PDE4D: variants seen among roughly 807,000 people sequenced by gnomAD.
PDE4D encodes the protein phosphodiesterase 4D, also known as 3',5'-cyclic-AMP phosphodiesterase 4D.
Under a neutral mutation model 87.4 loss-of-function variants are expected in PDE4D, and 24 were observed. That is an observed-to-expected ratio of 0.27 (90% CI 0.20 to 0.39). PDE4D has a LOEUF of 0.39. PDE4D is among the 10% of genes least tolerant of loss of function. The pLI is 1.00. For synonymous variants in PDE4D, 384 were observed against 383.2 expected (o/e 1.00, Z -0.02); for missense variants, 714 against 1,041.0 (o/e 0.69, Z 4.32).
At chr5:60,360,897 A>G (rs534768320) in intron 1 of PDE4D, among the ~76,000 whole-genome samples, 9 of 152,366 alleles carry the variant, frequency 5.9e-5, no homozygotes, top group African/African-American at 2.2e-4. Flanking sequence ...TCAAGTGAGC[A>G]GTGTTTACTT....
At chr5:59,696,800 T>A (rs1751847523) in intron 1 of PDE4D, among the ~76,000 whole-genome samples, 1 of 152,192 alleles carries the variant, frequency 6.6e-6, no homozygotes, top group African/African-American at 2.4e-5. Flanking sequence ...CCGGAATAAC[T>A]GTGCTTCACA....
At chr5:60,068,635 T>C (rs1276987901) in intron 2 of PDE4D, among the ~76,000 whole-genome samples, 1 of 151,966 alleles carries the variant, frequency 6.6e-6, no homozygotes, top group Non-Finnish European at 1.5e-5. Flanking sequence ...GATCTGTCAC[T>C]CAGGCTGGAG....
intron 1 of PDE4D, among the ~76,000 whole-genome samples, chr5:59,517,400 A>T (rs1373492039): frequency 6.6e-6 from 1 of 152,220 alleles, no homozygotes; most frequent in Non-Finnish European, 1.5e-5. Flanking sequence ...CCTGGTTTTT[A>T]AAGATCAAAT....
At chr5:59,701,789 A>G (rs1752609557) in intron 1 of PDE4D, among the ~76,000 whole-genome samples, 1 of 152,232 alleles carries the variant, frequency 6.6e-6, no homozygotes, top group Non-Finnish European at 1.5e-5. Context: ...GCTTTAGTAC[A>G]GTTCACACAT....
chr5:59,599,697 T>C (rs1275376958), intron 1 of PDE4D, among the ~76,000 whole-genome samples: 1 of 152,110 alleles, frequency 6.6e-6, no homozygotes, highest in Non-Finnish European at 1.5e-5. Flanking sequence ...TGATTGAACT[T>C]ACATTTTCTC....
intron 1 of PDE4D, among the ~76,000 whole-genome samples, chr5:59,722,491 G>GT (rs949322439): frequency 1.3e-5 from 2 of 152,076 alleles, no homozygotes; most frequent in Non-Finnish European, 2.9e-5. Flanking sequence ...TCCTCCAGTA[G>GT]TTTTTTTCCC....
rs191511897 is a variant in PDE4D, at chr5:60,300,455, T to C, written c.-89-114768A>G. Among the ~76,000 whole-genome samples, 3 of 152,354 alleles carry C rather than the reference T, an allele frequency of 2.0e-5. No individual in the cohort carries two copies. In the East Asian group the frequency reaches 5.8e-4, roughly 29 times the overall value. ...TTTGTTGCAATTGCTTTTGGCATTTTCATCATGAAATCTTTGCCTGTACCT... is the reference window on the plus strand; with the variant it reads ...TTTGTTGCAATTGCTTTTGGCATTTCCATCATGAAATCTTTGCCTGTACCT... On this transcript the variant is annotated intron_variant, in intron 1 of 16. Transcript: ENST00000502484.
chr5:60,438,616 G>A (rs1744944829), intron 1 of PDE4D, among the ~76,000 whole-genome samples: 1 of 151,916 alleles, frequency 6.6e-6, no homozygotes, highest in Admixed American at 6.6e-5. Flanking sequence ...ACACAGACCT[G>A]GAAATTAGGA....
chr5:59,303,851 TG>T (rs1366797637), intron 1 of PDE4D, among the ~76,000 whole-genome samples: 1 of 152,180 alleles, frequency 6.6e-6, no homozygotes, highest in Non-Finnish European at 1.5e-5. Flanking sequence ...ACTTTTTGCT[TG>T]GTCTTGCTTT....
At chr5:60,193,080 A>G (rs1246267625) in intron 1 of PDE4D, among the ~76,000 whole-genome samples, 4 of 151,688 alleles carry the variant, frequency 2.6e-5, no homozygotes, top group African/African-American at 2.4e-5. Flanking sequence ...TGACTCTACT[A>G]TTTTCATCCT....
intron 5 of PDE4D, among the ~76,000 whole-genome samples, chr5:59,109,989 A>G (rs764946460): frequency 9.9e-5 from 15 of 152,178 alleles, no homozygotes; most frequent in Non-Finnish European, 2.1e-4. Flanking sequence ...GAGTGTGCCC[A>G]TCCTCCTGTG....
intron 2 of PDE4D, among the ~76,000 whole-genome samples, chr5:60,032,544 G>A (rs977984794): frequency 1.3e-5 from 2 of 152,060 alleles, no homozygotes; most frequent in African/African-American, 4.8e-5. Flanking sequence ...TTGATGTTGC[G>A]TAAAGCACAT....
intron 1 of PDE4D, among the ~76,000 whole-genome samples, chr5:59,743,885 T>C (rs886293890): frequency 1.3e-5 from 2 of 152,072 alleles, no homozygotes; most frequent in Non-Finnish European, 2.9e-5. Context: ...TAGAGAGTAC[T>C]ATGTAACAAT....
In PDE4D at chr5:59,570,864, A is replaced by T. The variant is rs915392428; in HGVS notation, c.455+322304T>A. Among the ~76,000 whole-genome samples, 40 of 152,214 alleles carry T rather than the reference A, an allele frequency of 2.6e-4. 1 individual carries two copies. Among genetic ancestry groups the T allele is most frequent in the Non-Finnish European group, 1.5e-5 (1 of 68,032 alleles). ...GGGGAAAAACACATTAATCAAGTAG[A>T]CATGTTAACAAAATAATGGATTAGT... On this transcript the variant is annotated intron_variant, in intron 1 of 14. Transcript: ENST00000340635.
At chr5:59,776,734 T>C (rs2152618843) in intron 1 of PDE4D, among the ~76,000 whole-genome samples, 1 of 152,286 alleles carries the variant, frequency 6.6e-6, no homozygotes, top group Non-Finnish European at 1.5e-5. Context: ...ACATAATAAG[T>C]CAAATTTTCT....
At chr5:60,377,078 A>G (rs1583570433) in intron 1 of PDE4D, among the ~76,000 whole-genome samples, 1 of 152,360 alleles carries the variant, frequency 6.6e-6, no homozygotes, top group East Asian at 1.9e-4. Flanking sequence ...CTTTTAGCAC[A>G]CTTCCTGGTA....
intron 2 of PDE4D, among the ~76,000 whole-genome samples, chr5:60,117,210 G>T (rs912766804): frequency 1.3e-5 from 2 of 151,798 alleles, no homozygotes; most frequent in Non-Finnish European, 2.9e-5. Context: ...TCCAAACAAA[G>T]GAATGGTTCT....
chr5:59,843,947 A>C (rs1438787544), intron 1 of PDE4D, among the ~76,000 whole-genome samples: 1 of 152,116 alleles, frequency 6.6e-6, no homozygotes, highest in Non-Finnish European at 1.5e-5. Context: ...TAATGCCTCC[A>C]TAATTTAAAC....
At chr5:60,500,060 G>A (rs1749998279) in intron 1 of PDE4D, among the ~76,000 whole-genome samples, 2 of 151,808 alleles carry the variant, frequency 1.3e-5, no homozygotes, top group African/African-American at 2.4e-5. Context: ...TCTAATCCCA[G>A]CACTTAGGGA....
Sources: gnomAD v4.1 joint callset for allele counts (sites outside exome capture counted in the v4.1 genomes callset) on GRCh38, gnomAD v4.1.1 for gene constraint, MANE v1.5 for transcripts, NCBI Gene and HGNC (gene_info 2026-07-23, HGNC 2026-07-21) for gene names.